HFM1: variants seen among roughly 807,000 people sequenced by gnomAD.
HFM1 encodes helicase for meiosis 1, also known as probable ATP-dependent DNA helicase HFM1.
Under a neutral mutation model 192.1 loss-of-function variants are expected in HFM1, and 169 were observed. The ratio of observed to expected loss-of-function variants is 0.88; its 90% CI spans 0.78 to 1.00. The LOEUF is 1.00. Ranked by LOEUF, HFM1 falls within the 50% of genes least tolerant of loss-of-function variation. The pLI, the probability that HFM1 is intolerant of heterozygous loss-of-function variation, is 0.00. For missense variants in HFM1, 1,661 were observed against 1,668.0 expected, an observed-to-expected ratio of 1.00 and a Z score of 0.07; for synonymous variants, 525 against 537.8, an observed-to-expected ratio of 0.98 and a Z score of 0.33.
At chr1:91,278,477 A>G (rs896673424) in intron 30 of HFM1, among the ~76,000 whole-genome samples, 5 of 152,260 alleles carry the variant, frequency 3.3e-5, no homozygotes, top group East Asian at 1.9e-4. Context: ...GCAGCAAATC[A>G]CCGATTGTAA....
intron 13 of HFM1, among the ~76,000 whole-genome samples, chr1:91,364,607 C>CATATACAT (rs1184768932): frequency 1.0e-5 from 1 of 97,924 alleles, no homozygotes; most frequent in African/African-American, 4.3e-5. Flanking sequence ...TATACATATA[C>CATATACAT]ATATATATAT....
rs1664719029 is a variant in HFM1, at chr1:91,404,825, C to G, written c.-55G>C. 1 of 455,614 alleles carries G rather than the reference C, an allele frequency of 2.2e-6. No individual in the cohort carries two copies. The highest frequency in any genetic ancestry group is 1.6e-5 in the South Asian group (1 of 64,486). The allele number at this position is 455,614 out of a possible 1,614,324, so 28.2% of individuals were successfully genotyped here. A position where few individuals can be genotyped will look rare whatever the true frequency, so the allele number is the denominator to read the frequency against. ...CCCTGCGGACAGCTCCTAGGCCAGT[C>G]GAGCGCCGATTTATCAGCCCCTCTG... On this transcript the variant is annotated 5_prime_UTR_variant, in exon 1 of 39. Transcript: ENST00000370425.
chr1:91,404,007 G>A (rs1443610762), intron 1 of HFM1, among the ~76,000 whole-genome samples: 5 of 152,138 alleles, frequency 3.3e-5, no homozygotes, highest in African/African-American at 1.2e-4. Flanking sequence ...AAAAATTATT[G>A]ATTTGCTAGA....
At chr1:91,301,230 T>C (rs956988222) in intron 30 of HFM1, among the ~76,000 whole-genome samples, 6 of 151,284 alleles carry the variant, frequency 4.0e-5, no homozygotes, top group Admixed American at 1.3e-4. Flanking sequence ...TTACAAGGGA[T>C]GTGAAGGACC....
At chr1:91,332,095 A>G (rs1024656829) in intron 20 of HFM1, among the ~76,000 whole-genome samples, 24 of 151,664 alleles carry the variant, frequency 1.6e-4, no homozygotes, top group Non-Finnish European at 2.8e-4. Context: ...ACAGAAAGGG[A>G]AAAAAAAATC....
intron 13 of HFM1, among the ~76,000 whole-genome samples, chr1:91,370,871 C>G (rs1462176085): frequency 6.6e-6 from 1 of 152,178 alleles, no homozygotes; most frequent in African/African-American, 2.4e-5. Flanking sequence ...TCTCCTTAAG[C>G]TGATAGATAA....
Position 91,276,993 on chromosome 1 carries a change from C to G in HFM1, c.3461G>C (p.Gly1154Ala). ...TTTAAGGAACTCACAGCAGTCATGTCCACATGTATGTTTACTTTTACAAAG... is the reference window on the plus strand; with the variant it reads ...TTTAAGGAACTCACAGCAGTCATGTGCACATGTATGTTTACTTTTACAAAG... ...NHLCKSKHTCGHDCCKIGVAQ... is the reference protein window; with the variant it reads ...NHLCKSKHTCAHDCCKIGVAQ... Residue 1154 changes from glycine (G) to alanine (A), a missense_variant, in exon 31 of 39, where the codon GGA (glycine) becomes GCA (alanine). Transcript: ENST00000370425. 1.3e-6 allele frequency: 2 copies of G among 1,589,492 alleles called. No homozygotes were observed. Among genetic ancestry groups the G allele is most frequent in the Non-Finnish European group, 1.7e-6 (2 of 1,167,240 alleles).
chr1:91,330,686 CAA>C (rs71584997), intron 20 of HFM1, among the ~76,000 whole-genome samples: 30,229 of 151,998 alleles, frequency 0.2, 3,675 homozygotes, highest in South Asian at 0.35. Flanking sequence ...CACAACCAGA[CAA>C]AGACATATCA....
chr1:91,393,818 T>C lies in HFM1; in HGVS notation c.494+275A>G, dbSNP rs150687458. Among the ~76,000 whole-genome samples, 949 of 152,262 alleles carry C rather than the reference T, an allele frequency of 6.2e-3. 41 individuals are homozygous for C. Among genetic ancestry groups the C allele is most frequent in the East Asian group, 0.056 (291 of 5,176 alleles). On this transcript the variant is annotated intron_variant, in intron 4 of 38. Transcript: ENST00000370425. ...GGGTCTCAAACTTTTGTGTGCATAA[T>C]AATCACCTAGAAAATTTGTTAAAAA...
At chr1:91,304,604 T>A (rs1199191915) in intron 30 of HFM1, among the ~76,000 whole-genome samples, 1 of 151,220 alleles carries the variant, frequency 6.6e-6, no homozygotes, top group Non-Finnish European at 1.5e-5. Flanking sequence ...GTAGCTGGGA[T>A]TACAGGGGCC....
At chr1:91,266,363 G>A (rs572725003) in intron 35 of HFM1, among the ~76,000 whole-genome samples, 8 of 152,116 alleles carry the variant, frequency 5.3e-5, no homozygotes, top group Non-Finnish European at 7.4e-5. Flanking sequence ...GGTAAAATAC[G>A]TATTTGGTCT....
Position 91,361,471 on chromosome 1 carries a change from TG to T in HFM1, c.1686-8173del, listed in dbSNP as rs1442471543. On this transcript the variant is annotated intron_variant, in intron 13 of 38. Coordinates refer to ENST00000370425, the MANE Select transcript of HFM1 (RefSeq NM_001017975.6). Reference sequence around the variant, plus strand: ...AATCTAGAAGAAATGGATGAAATCCTGGACACACACTCTCTTCCAAGACTGA... The same window carrying T: ...AATCTAGAAGAAATGGATGAAATCCTGACACACACTCTCTTCCAAGACTGA... 5.5e-4 allele frequency among the ~76,000 whole-genome samples: 84 copies of T among 152,288 alleles called. 2 individuals carry two copies. The highest frequency in any genetic ancestry group is 5.4e-3 in the Admixed American group (83 of 15,292).
chr1:91,271,122 C>T (rs1416952374), intron 34 of HFM1, among the ~76,000 whole-genome samples: 1 of 152,030 alleles, frequency 6.6e-6, no homozygotes, highest in Non-Finnish European at 1.5e-5. Flanking sequence ...ATACAACGAC[C>T]CAATCGTCAG....
chr1:91,305,389 G>C (rs1289142623), intron 30 of HFM1, among the ~76,000 whole-genome samples: 1 of 151,600 alleles, frequency 6.6e-6, no homozygotes, highest in African/African-American at 2.4e-5. Context: ...ACACTTTTTT[G>C]TTCAATTTAT....
chr1:91,356,027 T>TA (rs1446308773), intron 13 of HFM1, among the ~76,000 whole-genome samples: 2 of 152,130 alleles, frequency 1.3e-5, no homozygotes, highest in African/African-American at 4.8e-5. Context: ...AAATCATATG[T>TA]AGTATCATTT....
intron 28 of HFM1, among the ~76,000 whole-genome samples, 193 bp downstream of exon 28, chr1:91,315,622 T>C (rs1398834738): frequency 6.6e-6 from 1 of 152,182 alleles, no homozygotes; most frequent in Non-Finnish European, 1.5e-5. Context: ...GTACTAAATA[T>C]AACAATTTAA....
chr1:91,396,289 T>G lies in HFM1; in HGVS notation c.184+4A>C. ...GGCTTCAAAACAAATATGTGATAAT[T>G]TACCTAACAGTTTATGACTTTCTAA... is the stretch of plus-strand genomic sequence containing the variant. On this transcript the variant is annotated splice_donor_region_variant and intron_variant, in intron 3 of 38. Transcript: ENST00000370425. The G allele has an allele frequency of 7.1e-7, 1 of 1,401,930 alleles. No individual in the cohort carries two copies. The highest frequency in any genetic ancestry group is 1.2e-5 in the South Asian group (1 of 81,180). The allele number at this position is 1,401,930 out of a possible 1,614,324, so 86.8% of individuals were successfully genotyped here.
At chr1:91,282,161 A>G (rs780447192) in intron 30 of HFM1, among the ~76,000 whole-genome samples, 2 of 152,124 alleles carry the variant, frequency 1.3e-5, no homozygotes, top group Non-Finnish European at 2.9e-5. Context: ...TTCTTTCTTG[A>G]ACACTTATAA....
chr1:91,341,848 G>T (rs1241653327), intron 20 of HFM1, among the ~76,000 whole-genome samples: 5 of 151,286 alleles, frequency 3.3e-5, no homozygotes, highest in Non-Finnish European at 7.4e-5. Context: ...GAAGAAATGG[G>T]GAGATAGACT....
Sources: gnomAD v4.1 joint callset for allele counts (sites outside exome capture counted in the v4.1 genomes callset) on GRCh38, gnomAD v4.1.1 for gene constraint, MANE v1.5 for transcripts, NCBI Gene and HGNC (gene_info 2026-07-23, HGNC 2026-07-21) for gene names.